The following OTOG variants were observed in gnomAD, a reference collection of about 807,000 sequenced individuals.
OTOG encodes the protein otogelin.
In OTOG, 296 loss-of-function variants were observed where a neutral mutation model predicts 313.8. That is an observed-to-expected ratio of 0.94 (90% confidence interval 0.86 to 1.04). The LOEUF (loss-of-function observed/expected upper bound fraction) is 1.04, where lower values mean the gene tolerates loss of function less well. OTOG is among the 50% of genes least tolerant of loss of function. The pLI is 0.00. For missense variants in OTOG, 3,948 were observed against 3,840.1 expected, an observed-to-expected ratio of 1.03 and a Z score of -0.74; for synonymous variants, 1,533 against 1,554.9, an observed-to-expected ratio of 0.99 and a Z score of 0.33.
In OTOG at chr11:17,561,784, T is replaced by C. The variant is rs1252612628; in HGVS notation, c.1621T>C (p.Leu541=). The C allele has an allele frequency of 9.0e-6, 14 of 1,550,444 alleles. No homozygotes were observed. Among genetic ancestry groups the C allele is most frequent in the Admixed American group, 2.0e-5 (1 of 51,010 alleles). ...SRSSGTFTVT[L]QNAPCGLNQD... The stretch of plus-strand genomic sequence containing the variant: ...CTCTTCGGGCACCTTCACCGTGACA[T>C]TGCAGAATGCCCCATGTGGCCTGGT... Residue 541 remains leucine (L), a synonymous_variant, in exon 15 of 56, where the codon TTG becomes CTG. Transcript: ENST00000399397.
intron 40 of OTOG, among the ~76,000 whole-genome samples, chr11:17,630,134 A>G (rs1308254367): frequency 3.3e-5 from 5 of 152,174 alleles, no homozygotes; most frequent in Admixed American, 1.3e-4. Context: ...CCTTTGTGCA[A>G]CACATATTGC....
intron 12 of OTOG, among the ~76,000 whole-genome samples, chr11:17,560,365 G>A (rs1009031705): frequency 1.3e-5 from 2 of 152,198 alleles, no homozygotes; most frequent in Non-Finnish European, 2.9e-5. Flanking sequence ...TCAGAATGGG[G>A]AGAGGTTGTC....
At chr11:17,580,973 C>A (rs367643575) in intron 23 of OTOG, among the ~76,000 whole-genome samples, 8 of 152,238 alleles carry the variant, frequency 5.3e-5, no homozygotes, top group East Asian at 3.9e-4. Flanking sequence ...TATAAATCCC[C>A]AGGGACAAAG....
intron 4 of OTOG, 21 bp from the exon 5 acceptor site, chr11:17,553,098 G>T (rs1476685186): frequency 6.5e-7 from 1 of 1,549,648 alleles, no homozygotes; most frequent in African/African-American, 1.4e-5. Context: ...ATGGGGCAAT[G>T]ACTCTGTGTC....
At chr11:17,569,090 G>C (rs943566368) in intron 15 of OTOG, 66 bp from the exon 16 acceptor site, 67 of 1,532,378 alleles carry the variant, frequency 4.4e-5, no homozygotes, top group Non-Finnish European at 4.4e-5. Flanking sequence ...TGTCCCTAGA[G>C]GGCTCTGTTG....
In OTOG at chr11:17,641,869, G is replaced by A. The variant is rs12422210; in HGVS notation, c.8213G>A (p.Arg2738Gln). The change falls in exon 52 of 56, where the codon CGG (arginine) becomes CAG (glutamine). Residue 2738 changes from arginine (R) to glutamine (Q), a missense_variant. Transcript: ENST00000399397. Reference sequence around the variant, plus strand: ...TAGAACCAGGAGTACGAGCACCCGCGGGACCTCGCTGCCTGCTGCGGCTCC... The same window carrying A: ...TAGAACCAGGAGTACGAGCACCCGCAGGACCTCGCTGCCTGCTGCGGCTCC... ...CEANQEYEHP[R>Q]DLAACCGSCR... 245,789 of 1,548,102 alleles carry A rather than the reference G, an allele frequency of 0.16. 21,575 individuals carry two copies. The highest frequency in any genetic ancestry group is 0.18 in the Non-Finnish European group (203,281 of 1,145,272).
At chr11:17,636,749 CGG>C (rs1370797543) in intron 47 of OTOG, among the ~76,000 whole-genome samples, 1 of 151,980 alleles carries the variant, frequency 6.6e-6, no homozygotes, top group Non-Finnish European at 1.5e-5. Flanking sequence ...CCATGTTTCT[CGG>C]GGGGCAGCCT....
At chr11:17,622,983 C>T (rs1427201990) in intron 39 of OTOG, among the ~76,000 whole-genome samples, 1 of 152,166 alleles carries the variant, frequency 6.6e-6, no homozygotes, top group African/African-American at 2.4e-5. Context: ...GTTCCCTTTT[C>T]TCCACATCCT....
At position 17,561,807 on chromosome 11, in the gene OTOG, G is replaced by A. The variant is rs781520955; in HGVS notation, c.1644G>A (p.Leu548=). Residue 548 remains leucine (L), a splice_region_variant and synonymous_variant, in exon 15 of 56, where the codon CTG becomes CTA. Coordinates refer to ENST00000399397, the MANE Select transcript of OTOG (RefSeq NM_001292063.2). ...TVTLQNAPCG[L]NQDGACVQSV... is the part of the protein sequence containing the mutation. ...CATTGCAGAATGCCCCATGTGGCCT[G>A]GTAAGAGCTGGGGATCCCCAGGCCC... 4.5e-6 allele frequency: 7 copies of A among 1,550,034 alleles called. No homozygotes were observed. The South Asian group carries it at 8.3e-5, about 18-fold the overall frequency.
intron 33 of OTOG, among the ~76,000 whole-genome samples, chr11:17,607,336 T>C (rs1206088098): frequency 6.6e-6 from 1 of 152,216 alleles, no homozygotes; most frequent in Non-Finnish European, 1.5e-5. Context: ...AGGCTGTGTG[T>C]TCAGAAACTG....
Position 17,635,152 on chromosome 11 carries a change from G to A in OTOG, c.7658G>A (p.Arg2553His), listed in dbSNP as rs563003848. The change falls in exon 46 of 56, where the codon CGC becomes CAC. Residue 2553 changes from arginine (R) to histidine (H), a missense_variant. By Grantham distance (29) the Arg-to-His change is conservative. Transcript: ENST00000399397. ...CRQDQILITGRLGDSCCTSYF... is the reference protein window; with the variant it reads ...CRQDQILITGHLGDSCCTSYF... ...CAGGACCAGATCCTGATCACGGGCC[G>A]CCTGGGGGACTCCTGCTGCACCTCC... 105 of 1,547,862 alleles carry A rather than the reference G, an allele frequency of 6.8e-5. 1 individual carries two copies. Among genetic ancestry groups the A allele is most frequent in the African/African-American group, 2.7e-4 (20 of 72,926 alleles).
intron 40 of OTOG, among the ~76,000 whole-genome samples, chr11:17,630,057 C>A (rs960476159): frequency 2.0e-5 from 3 of 152,080 alleles, no homozygotes; most frequent in Non-Finnish European, 2.9e-5. Context: ...CCATTCATGC[C>A]CCTCTGCATC....
In OTOG at chr11:17,639,438, C is replaced by A. The variant is rs374292017; in HGVS notation, c.7910C>A (p.Thr2637Lys). ...TGTTTTTCAGAATGTGACTGTGACACAATCCCGGTGCCCCGGTGCCATCTG... is the reference window on the plus strand; with the variant it reads ...TGTTTTTCAGAATGTGACTGTGACAAAATCCCGGTGCCCCGGTGCCATCTG... ...PYKSCECDCDTIPVPRCHLWE... is the reference protein window; with the variant it reads ...PYKSCECDCDKIPVPRCHLWE... Residue 2637 changes from threonine to lysine, a missense_variant, in exon 49 of 56, where the codon ACA becomes AAA. By Grantham distance (78) the Thr-to-Lys change is moderately conservative. Coordinates refer to ENST00000399397, the MANE Select transcript of OTOG (RefSeq NM_001292063.2). 1 of 1,550,760 alleles carries A rather than the reference C, an allele frequency of 6.4e-7. No individual in the cohort carries two copies. The highest frequency in any genetic ancestry group is 2.4e-5 in the East Asian group (1 of 40,916).
chr11:17,602,875 A>G (rs1358971873), intron 32 of OTOG, among the ~76,000 whole-genome samples: 2 of 152,208 alleles, frequency 1.3e-5, no homozygotes, highest in East Asian at 3.9e-4. Context: ...CCACAGTCCC[A>G]TCGAGGAGAC....
At chr11:17,555,955 T>A (rs1025725743) in intron 7 of OTOG, 58 bp downstream of exon 7, 3 of 1,328,486 alleles carry the variant, frequency 2.3e-6, no homozygotes, top group Non-Finnish European at 3.2e-6. Context: ...TGGTGGTGGA[T>A]GGGTGAGCAT....
At chr11:17,567,897 CTTTTCTT>C (rs1328013625) in intron 15 of OTOG, among the ~76,000 whole-genome samples, 1 of 200 alleles carries the variant, frequency 5.0e-3, no homozygotes, top group African/African-American at 0.021. Context: ...GTAACACTTT[CTTTTCTT>C]TTCTTTTCTT....
chr11:17,597,932 T>G (rs1853153597), intron 30 of OTOG, among the ~76,000 whole-genome samples: 2 of 152,234 alleles, frequency 1.3e-5, no homozygotes, highest in Non-Finnish European at 1.5e-5. Context: ...GCTTCTACCT[T>G]GTAGGGTACT....
At chr11:17,613,196 TTTCTTTCTTTCTTTC>T (rs1853617562) in intron 38 of OTOG, among the ~76,000 whole-genome samples, 1 of 6,370 alleles carries the variant, frequency 1.6e-4, no homozygotes, top group Non-Finnish European at 3.6e-4. Flanking sequence ...CTTTCTTTCT[TTTCTTTCTTTCTTTC>T]TTTCTTTCTT....
intron 33 of OTOG, among the ~76,000 whole-genome samples, chr11:17,606,703 A>C (rs1241817456): frequency 1.3e-5 from 2 of 152,118 alleles, no homozygotes; most frequent in Non-Finnish European, 2.9e-5. Flanking sequence ...GGCGATCATA[A>C]TTTCTTCACT....
Sources: allele counts gnomAD v4.1 joint callset (sites outside exome capture counted in the v4.1 genomes callset), GRCh38; gene constraint gnomAD v4.1.1; transcripts MANE v1.5; gene names NCBI Gene and HGNC (gene_info 2026-07-23, HGNC 2026-07-21).